CPED1: variants seen among roughly 807,000 people sequenced by gnomAD.
CPED1 encodes cadherin like and PC-esterase domain containing 1, also known as cadherin-like and PC-esterase domain-containing protein 1.
Under a neutral mutation model 128.2 loss-of-function variants are expected in CPED1, and 114 were observed. That is an observed-to-expected ratio of 0.89 (90% CI 0.76 to 1.04). The LOEUF is 1.04. Among genes scored for constraint, CPED1 ranks in the 50% least tolerant of loss-of-function variants. The pLI, the probability that CPED1 is intolerant of heterozygous loss-of-function variation, is 0.00. For synonymous variants in CPED1, 462 were observed against 426.7 expected (o/e 1.08, Z -1.02); for missense variants, 1,211 against 1,207.1 (o/e 1.00, Z -0.05).
chr7:121,043,771 A>G (rs1445052313), intron 3 of CPED1, among the ~76,000 whole-genome samples: 1 of 152,232 alleles, frequency 6.6e-6, no homozygotes. Context: ...GTTTTCAAAT[A>G]AAGGCTGAAA....
At chr7:121,122,200 G>C (rs546541387) in intron 7 of CPED1, among the ~76,000 whole-genome samples, 9 of 140,116 alleles carry the variant, frequency 6.4e-5, no homozygotes, top group African/African-American at 2.4e-4. Context: ...CAGTGCATTG[G>C]TGTGATCTCG....
chr7:121,129,456 T>A (rs1239808519), intron 11 of CPED1, among the ~76,000 whole-genome samples: 1 of 150,758 alleles, frequency 6.6e-6, no homozygotes, highest in Non-Finnish European at 1.5e-5. Context: ...GGATTCAGAG[T>A]AAGCTAATTT....
At chr7:121,124,236 A>T in intron 7 of CPED1, 95 bp from the exon 8 acceptor site, 1 of 1,154,452 alleles carries the variant, frequency 8.7e-7, no homozygotes, top group Non-Finnish European at 1.2e-6. Context: ...ACAAGTAGAG[A>T]TAACCTAGAA....
chr7:121,180,966 G>A (rs1386261116), intron 16 of CPED1, among the ~76,000 whole-genome samples: 1 of 151,842 alleles, frequency 6.6e-6, no homozygotes, highest in Admixed American at 6.6e-5. Context: ...TTTGATTTGG[G>A]CTTCATTTCA....
intron 5 of CPED1, among the ~76,000 whole-genome samples, chr7:121,078,946 C>A (rs1004554064): frequency 6.6e-6 from 1 of 152,170 alleles, no homozygotes; most frequent in African/African-American, 2.4e-5. Context: ...CTTCTGGGGC[C>A]TCTCTTTGAC....
At chr7:121,032,376 A>G (rs1165270803) in intron 3 of CPED1, among the ~76,000 whole-genome samples, 1 of 152,178 alleles carries the variant, frequency 6.6e-6, no homozygotes, top group Non-Finnish European at 1.5e-5. Context: ...ATGATTTGGC[A>G]TAATCCTGTT....
intron 16 of CPED1, among the ~76,000 whole-genome samples, chr7:121,199,697 A>AAAAAAAAAAAAAAAAG (rs1797350348): frequency 7.2e-5 from 3 of 41,758 alleles, no homozygotes; most frequent in African/African-American, 2.8e-4. Flanking sequence ...AAAAAAAAAA[A>AAAAAAAAAAAAAAAAG]AAAGAAAGAA....
At chr7:121,243,186 A>C (rs1333341090) in intron 17 of CPED1, among the ~76,000 whole-genome samples, 3 of 152,180 alleles carry the variant, frequency 2.0e-5, no homozygotes, top group African/African-American at 7.2e-5. Flanking sequence ...TACTAGTAAC[A>C]TAAGCAAGAT....
intron 5 of CPED1, among the ~76,000 whole-genome samples, chr7:121,078,808 G>A (rs1794207016): frequency 6.6e-6 from 1 of 152,140 alleles, no homozygotes; most frequent in Non-Finnish European, 1.5e-5. Context: ...GCTCCCATGG[G>A]CACTGTATTA....
Position 121,228,054 on chromosome 7 carries a change from G to A in CPED1, c.2056-8660G>A, listed in dbSNP as rs534204472. ...CCCAGAAACTGTAAAAATACTAGAA[G>A]AAAACCTAGGGAAAGGTCTCCTGGA... is the stretch of plus-strand genomic sequence containing the variant. On this transcript the variant is annotated intron_variant, in intron 16 of 22. Coordinates refer to ENST00000310396, the MANE Select transcript of CPED1 (RefSeq NM_024913.5). 2.6e-5 allele frequency among the ~76,000 whole-genome samples: 4 copies of A among 152,112 alleles called. No individual in the cohort carries two copies. The South Asian group carries it at 8.3e-4, about 32-fold the overall frequency.
intron 18 of CPED1, chr7:121,262,021 G>T (rs1792029596): frequency 3.0e-6 from 1 of 335,662 alleles, no homozygotes; most frequent in Admixed American, 4.8e-5. Flanking sequence ...CATGGGGATG[G>T]ATCCTTCATG....
intron 4 of CPED1, among the ~76,000 whole-genome samples, chr7:121,062,007 TATTA>T (rs1323015871): frequency 1.3e-5 from 2 of 152,206 alleles, no homozygotes; most frequent in African/African-American, 2.4e-5. Context: ...TCAGCCACAC[TATTA>T]ATTCTAAAGA....
At chr7:121,005,644 A>G (rs1253169427) in intron 2 of CPED1, among the ~76,000 whole-genome samples, 1 of 152,178 alleles carries the variant, frequency 6.6e-6, no homozygotes, top group Non-Finnish European at 1.5e-5. Flanking sequence ...AACTTAAAGT[A>G]TAATAAAAAA....
intron 22 of CPED1, among the ~76,000 whole-genome samples, chr7:121,277,892 A>T (rs1792362234): frequency 6.6e-6 from 1 of 152,138 alleles, no homozygotes; most frequent in Non-Finnish European, 1.5e-5. Flanking sequence ...GGAAAACTCA[A>T]GTAGAAGGTG....
intron 16 of CPED1, among the ~76,000 whole-genome samples, chr7:121,162,465 C>T (rs1254919135): frequency 2.0e-5 from 3 of 152,096 alleles, no homozygotes; most frequent in Non-Finnish European, 4.4e-5. Flanking sequence ...TGATATAATC[C>T]AATGCACTCA....
Position 121,266,470 on chromosome 7 carries a change from GACACAAAACCCACAAAGT to G in CPED1, c.2531+26_2531+43del. 2.5e-6 allele frequency: 4 copies of G among 1,574,528 alleles called. No homozygotes were observed. The South Asian group carries it at 3.3e-5, about 13-fold the overall frequency. ...AAGGTACAATGAAACTATAATGAAAGACACAAAACCCACAAAGTACTGATGTTCTGCTAGCAGTCGTCA... is the reference window on the plus strand; with the variant it reads ...AAGGTACAATGAAACTATAATGAAAGACTGATGTTCTGCTAGCAGTCGTCA... On this transcript the variant is annotated intron_variant, in intron 19 of 22. Coordinates refer to ENST00000310396, the MANE Select transcript of CPED1 (RefSeq NM_024913.5).
chr7:121,066,226 G>A (rs933151570), intron 5 of CPED1, among the ~76,000 whole-genome samples: 3 of 152,058 alleles, frequency 2.0e-5, no homozygotes, highest in Non-Finnish European at 4.4e-5. Flanking sequence ...ATTTTAAGCT[G>A]TGTTTCATTT....
At chr7:121,167,441 C>G (rs1008967496) in intron 16 of CPED1, among the ~76,000 whole-genome samples, 1 of 152,164 alleles carries the variant, frequency 6.6e-6, no homozygotes, top group Non-Finnish European at 1.5e-5. Flanking sequence ...ATCCTTCACC[C>G]TCCACTAGTT....
At chr7:121,261,735 C>A in intron 18 of CPED1, 1 of 1,589,424 alleles carries the variant, frequency 6.3e-7, no homozygotes, top group Non-Finnish European at 8.6e-7. Context: ...TGCACATAAA[C>A]CTGACTTGAA....
Sources: gnomAD v4.1 joint callset for allele counts (sites outside exome capture counted in the v4.1 genomes callset) on GRCh38, gnomAD v4.1.1 for gene constraint, MANE v1.5 for transcripts, NCBI Gene and HGNC (gene_info 2026-07-23, HGNC 2026-07-21) for gene names.